The following TOLLIP variants were observed in gnomAD, a reference collection of about 807,000 sequenced individuals.
The protein encoded by TOLLIP is toll-interacting protein.
A neutral mutation model predicts 33.5 loss-of-function variants in TOLLIP; 16 were observed. The ratio of observed to expected loss-of-function variants is 0.48; its 90% CI spans 0.32 to 0.72. The LOEUF (loss-of-function observed/expected upper bound fraction) is 0.72. Ranked by LOEUF, TOLLIP falls within the 30% of genes least tolerant of loss-of-function variation. The pLI is 0.03. For synonymous variants in TOLLIP, 176 were observed against 163.7 expected, an observed-to-expected ratio of 1.07 and a Z score of -0.57; for missense variants, 325 against 396.6, an observed-to-expected ratio of 0.82 and a Z score of 1.53.
chr11:1,280,622 T>C (rs926842665), intron 5 of TOLLIP, among the ~76,000 whole-genome samples: 1 of 152,032 alleles, frequency 6.6e-6, no homozygotes, highest in East Asian at 1.9e-4. Context: ...GAGCACAGAA[T>C]GAGCTCATGC....
At chr11:1,308,418 G>A (rs1260124979) in intron 1 of TOLLIP, among the ~76,000 whole-genome samples, 8 of 152,214 alleles carry the variant, frequency 5.3e-5, no homozygotes, top group African/African-American at 1.7e-4. Flanking sequence ...AGCAGATGCC[G>A]GCACCATGCT....
At chr11:1,286,849 G>C (rs1863718249) in intron 4 of TOLLIP, among the ~76,000 whole-genome samples, 1 of 147,878 alleles carries the variant, frequency 6.8e-6, no homozygotes, top group South Asian at 2.1e-4. Context: ...TCTGAGTTTA[G>C]TTCAAAACTG....
intron 1 of TOLLIP, chr11:1,298,059 G>C (rs370562981): frequency 3.9e-5 from 6 of 152,446 alleles, no homozygotes; most frequent in African/African-American, 1.4e-4. Context: ...ATGCCAGCAG[G>C]CTCTATGACT....
intron 1 of TOLLIP, chr11:1,302,584 CTGA>C: frequency 1.0e-6 from 1 of 986,818 alleles, no homozygotes; most frequent in Non-Finnish European, 1.2e-6. Flanking sequence ...GGACCAGTAC[CTGA>C]CCCTGCAGCC....
chr11:1,293,030 G>A (rs999958256), intron 2 of TOLLIP, among the ~76,000 whole-genome samples: 2 of 152,258 alleles, frequency 1.3e-5, no homozygotes, highest in Non-Finnish European at 2.9e-5. Context: ...CCACGCTGCA[G>A]GGGCTGAGCG....
chr11:1,279,401 G>A (rs1387522347), intron 5 of TOLLIP, among the ~76,000 whole-genome samples: 1 of 152,224 alleles, frequency 6.6e-6, no homozygotes, highest in Non-Finnish European at 1.5e-5. Context: ...TGTCCATCAA[G>A]CCCTCCGGGA....
intron 5 of TOLLIP, among the ~76,000 whole-genome samples, chr11:1,282,083 C>A (rs1193493128): frequency 6.6e-6 from 1 of 152,208 alleles, no homozygotes; most frequent in Non-Finnish European, 1.5e-5. Context: ...AAAAATACTT[C>A]AAAGGCTCCT....
At position 1,290,726 on chromosome 11, in the gene TOLLIP, T is replaced by A. The variant is rs982699637; in HGVS notation, c.184-317A>T. 5.3e-5 allele frequency among the ~76,000 whole-genome samples: 8 copies of A among 152,162 alleles called. No individual in the cohort carries two copies. The South Asian group carries it at 1.5e-3, about 28-fold the overall frequency. ...AAGGGCGCACTCTCTAATGCCCTCCTCAGAAGTGGCTGAGGAGGGAAAGAG... is the reference window on the plus strand; with the variant it reads ...AAGGGCGCACTCTCTAATGCCCTCCACAGAAGTGGCTGAGGAGGGAAAGAG... On this transcript the variant is annotated intron_variant, in intron 2 of 5. Transcript: ENST00000317204. This position sits in a 1 kb window ranked among gnomAD's most constrained non-coding sequence, Gnocchi z 4.9.
At position 1,303,078 on chromosome 11, in the gene TOLLIP, T is replaced by C. The variant is rs557923691; in HGVS notation, c.33+6388A>G. 6.6e-6 allele frequency among the ~76,000 whole-genome samples: 1 copy of C among 152,218 alleles called. No individual in the cohort carries two copies. The highest frequency in any genetic ancestry group is 2.4e-5 in the African/African-American group (1 of 41,544). On this transcript the variant is annotated intron_variant, in intron 1 of 5. Transcript: ENST00000317204. The surrounding 1 kb of genome is among the most constrained non-coding windows in gnomAD (Gnocchi z 4.2). ...AATTTGTGTAAGGGAAGCTGGGAGA[T>C]GACAGTATTGAAACGAACCCGTGTA...
intron 5 of TOLLIP, among the ~76,000 whole-genome samples, chr11:1,284,584 C>T (rs186856671): frequency 2.0e-5 from 3 of 152,300 alleles, no homozygotes; most frequent in Non-Finnish European, 4.4e-5. Flanking sequence ...CTCCTGACCT[C>T]ACGATCTGCC....
At position 1,276,751 on chromosome 11, in the gene TOLLIP, A is replaced by G. The variant is rs1466156663; in HGVS notation, c.*288T>C. ...AGCAGCTGCTCTCTACAGCAAGAGC[A>G]TTTTCCAGAACGGCATGAGAAGGAG... is the stretch of plus-strand genomic sequence containing the variant. On this transcript the variant is annotated 3_prime_UTR_variant, in exon 6 of 6. Transcript: ENST00000317204. 6.7e-7 allele frequency: 1 copy of G among 1,482,018 alleles called. No homozygotes were observed. The highest frequency in any genetic ancestry group is 9.0e-7 in the Non-Finnish European group (1 of 1,112,216). 91.8% of individuals were successfully genotyped at this position (1,482,018 alleles called of 1,614,324 possible). A position where few individuals can be genotyped will look rare whatever the true frequency, so the allele number is the denominator to read the frequency against.
Position 1,290,218 on chromosome 11 carries a change from C to A in TOLLIP, c.366+9G>T, listed in dbSNP as rs1863889451. On this transcript the variant is annotated intron_variant, in intron 3 of 5. Coordinates refer to ENST00000317204, the MANE Select transcript of TOLLIP (RefSeq NM_019009.4). This position sits in a 1 kb window ranked among gnomAD's most constrained non-coding sequence, Gnocchi z 4.9. The stretch of plus-strand genomic sequence containing the variant: ...GCAGCCTCCATAATAGCTGGCACGT[C>A]CCTCTCACCTCATCGAAGATCTCGA... The A allele has an allele frequency of 8.7e-6, 14 of 1,611,154 alleles. No homozygotes were observed. Among genetic ancestry groups the A allele is most frequent in the Non-Finnish European group, 1.2e-5 (14 of 1,178,384 alleles).
Position 1,276,751 on chromosome 11 carries a change from A to C in TOLLIP, c.*288T>G, listed in dbSNP as rs1466156663. 2 of 1,482,138 alleles carry C rather than the reference A, an allele frequency of 1.3e-6. No individual in the cohort carries two copies. Among genetic ancestry groups the C allele is most frequent in the Non-Finnish European group, 1.8e-6 (2 of 1,112,208 alleles). The allele number at this position is 1,482,138 out of a possible 1,614,324, so 91.8% of individuals were successfully genotyped here. A position where few individuals can be genotyped will look rare whatever the true frequency, so the allele number is the denominator to read the frequency against. On this transcript the variant is annotated 3_prime_UTR_variant, in exon 6 of 6. Coordinates refer to ENST00000317204, the MANE Select transcript of TOLLIP (RefSeq NM_019009.4). ...AGCAGCTGCTCTCTACAGCAAGAGC[A>C]TTTTCCAGAACGGCATGAGAAGGAG...
Position 1,303,636 on chromosome 11 carries a change from C to A in TOLLIP, c.33+5830G>T, listed in dbSNP as rs1416085185. ...TCACCAGCACGGTGCCAGGGCAGGG[C>A]CCGCAGGATCTGGAGACAGTGACTC... On this transcript the variant is annotated intron_variant, in intron 1 of 5. Transcript: ENST00000317204. The surrounding 1 kb of genome is among the most constrained non-coding windows in gnomAD (Gnocchi z 4.2). 6.6e-6 allele frequency among the ~76,000 whole-genome samples: 1 copy of A among 152,200 alleles called. No homozygotes were observed. The highest frequency in any genetic ancestry group is 2.4e-5 in the African/African-American group (1 of 41,450).
intron 1 of TOLLIP, among the ~76,000 whole-genome samples, chr11:1,301,561 C>T (rs1864278968): frequency 6.6e-6 from 1 of 152,166 alleles, no homozygotes; most frequent in African/African-American, 2.4e-5. Context: ...CACACACGGC[C>T]GCCAAACCCC....
chr11:1,290,477 T>G lies in TOLLIP; in HGVS notation c.184-68A>C. The stretch of plus-strand genomic sequence containing the variant: ...AGGAGAGGGTGGGTTCTCTAGGCCG[T>G]CTGCCTCCCTGAACCCTTCCACGAG... On this transcript the variant is annotated intron_variant, in intron 2 of 5. Transcript: ENST00000317204. This position sits in a 1 kb window ranked among gnomAD's most constrained non-coding sequence, Gnocchi z 4.9. The G allele has an allele frequency of 2.0e-6, 3 of 1,488,994 alleles. No homozygotes were observed. The highest frequency in any genetic ancestry group is 2.8e-6 in the Non-Finnish European group (3 of 1,078,416). The allele number at this position is 1,488,994 out of a possible 1,614,324, so 92.2% of individuals were successfully genotyped here. A position where few individuals can be genotyped will look rare whatever the true frequency, so the allele number is the denominator to read the frequency against.
chr11:1,294,282 C>T, intron 2 of TOLLIP, among the ~76,000 whole-genome samples: 1 of 90,772 alleles, frequency 1.1e-5, no homozygotes, highest in Non-Finnish European at 2.1e-5. Context: ...CCCTGCATTT[C>T]TACGAAAGCC....
chr11:1,307,422 G>C (rs1295226432), intron 1 of TOLLIP, among the ~76,000 whole-genome samples: 1 of 152,234 alleles, frequency 6.6e-6, no homozygotes, highest in Non-Finnish European at 1.5e-5. Context: ...GGGTGTAACA[G>C]CGCTGCACGC....
intron 1 of TOLLIP, among the ~76,000 whole-genome samples, chr11:1,301,280 G>A (rs547181725): frequency 9.2e-5 from 14 of 152,340 alleles, no homozygotes; most frequent in African/African-American, 3.1e-4. Flanking sequence ...CATTAGCGAT[G>A]GGCTAAATAC....
Sources: gnomAD v4.1 joint callset for allele counts (sites outside exome capture counted in the v4.1 genomes callset) on GRCh38, gnomAD v4.1.1 for gene constraint, Gnocchi (gnomAD v3.1) non-coding constraint, MANE v1.5 for transcripts, NCBI Gene and HGNC (gene_info 2026-07-23, HGNC 2026-07-21) for gene names.